The following GH2 variants were observed in gnomAD, a reference collection of about 807,000 sequenced individuals.
GH2 encodes growth hormone 2.
In GH2, 17 loss-of-function variants were observed where a neutral mutation model predicts 24.1. That is an observed-to-expected ratio of 0.71 (90% CI 0.48 to 1.06). The LOEUF (loss-of-function observed/expected upper bound fraction) is 1.06. Ranked by LOEUF, GH2 falls within the 50% of genes least tolerant of loss-of-function variation. The probability of loss-of-function intolerance (pLI) is 0.00; values close to 1 mark genes in which losing one functional copy is unlikely to be tolerated. For missense variants in GH2, 305 were observed against 273.1 expected, an observed-to-expected ratio of 1.12 and a Z score of -0.82; for synonymous variants, 126 against 118.7, an observed-to-expected ratio of 1.06 and a Z score of -0.40.
rs895562373 is a variant in GH2 at position 63,881,783 on chromosome 17, G to T, written c.10+9C>A. ...ACATTGTGCCCAAAGGGATTTTAGG[G>T]GCGCTTACCTGCAGCCATTGCCGCT... On this transcript the variant is annotated intron_variant, in intron 1 of 4. Transcript: ENST00000423893. 7 of 1,612,948 alleles carry T rather than the reference G, an allele frequency of 4.3e-6. No homozygotes were observed. Among genetic ancestry groups the T allele is most frequent in the Non-Finnish European group, 5.9e-6 (7 of 1,179,776 alleles).
chr17:63,880,788 A>G lies in GH2; in HGVS notation c.440T>C (p.Ile147Thr), dbSNP rs1905457764. ...YRHLKDLEEG[I>T]QTLMWRLEDG... ...CACCCTCACCCACATCAGCGTTTGG[A>G]TGCCTTCCTCTAGGTCCTTCAGGTG... The change falls in exon 4 of 5, where the codon ATC becomes ACC. Residue 147 changes from isoleucine to threonine, a missense_variant. Physicochemically the swap from Ile to Thr is moderately conservative, Grantham distance 89. Transcript: ENST00000423893. The G allele has an allele frequency of 1.2e-6, 2 of 1,613,912 alleles. No homozygotes were observed. Among genetic ancestry groups the G allele is most frequent in the African/African-American group, 2.7e-5 (2 of 74,910 alleles).
In GH2 at chr17:63,880,868, C is replaced by A; in HGVS notation, c.360G>T (p.Arg120Ser). The change falls in exon 4 of 5, where the codon AGG becomes AGT. Residue 120 changes from arginine (R) to serine (S), a missense_variant. Transcript: ENST00000423893. ...ACACCAGGCTGTTGGCGAAGACGCT[C>A]CTGAGGAGCTGCACGGGCTCCAGCC... ...QSWLEPVQLL[R>S]SVFANSLVYG... 1 of 1,614,064 alleles carries A rather than the reference C, an allele frequency of 6.2e-7. No individual in the cohort carries two copies. Among genetic ancestry groups the A allele is most frequent in the Non-Finnish European group, 8.5e-7 (1 of 1,179,964 alleles).
In GH2 at chr17:63,881,079, A is replaced by C. The variant is rs750460992; in HGVS notation, c.241T>G (p.Ser81Ala). 1 of 1,613,944 alleles carries C rather than the reference A, an allele frequency of 6.2e-7. No homozygotes were observed. Among genetic ancestry groups the C allele is most frequent in the Non-Finnish European group, 8.5e-7 (1 of 1,179,950 alleles). ...LQNPQTSLCF[S>A]ESIPTPSNRV... The stretch of plus-strand genomic sequence containing the variant: ...TTGGAAGGTGTTGGAATAGACTCTG[A>C]GAAGCAGAGGGAGGTCTGGGGGTTC... Residue 81 changes from serine to alanine, a missense_variant, in exon 3 of 5, where the codon TCA becomes GCA. Transcript: ENST00000423893.
At position 63,881,636 on chromosome 17, in the gene GH2, C is replaced by G. The variant is rs547380214; in HGVS notation, c.11-117G>C. 1.7e-5 allele frequency: 28 copies of G among 1,605,032 alleles called. No homozygotes were observed. In the South Asian group the frequency reaches 2.5e-4, roughly 15 times the overall value. On this transcript the variant is annotated intron_variant, in intron 1 of 4. Coordinates refer to ENST00000423893, the MANE Select transcript of GH2 (RefSeq NM_002059.5). ...TCTCTCTCTGCCTCCCTCCAGGGAC[C>G]AGGAACATTCAGAGATTGGCCAAAT...
At position 63,881,798 on chromosome 17, in the gene GH2, C is replaced by T. The variant is rs752024463; in HGVS notation, c.4G>A (p.Ala2Thr). Residue 2 changes from alanine to threonine, a missense_variant, in exon 1 of 5, where the codon GCT becomes ACT. Physicochemically the swap from Ala to Thr is moderately conservative, Grantham distance 58. Coordinates refer to ENST00000423893, the MANE Select transcript of GH2 (RefSeq NM_002059.5). ...GGATTTTAGGGGCGCTTACCTGCAG[C>T]CATTGCCGCTAGGTGAGCTGTCCAC... The part of the protein sequence containing the change: M[A>T]AGSRTSLLLA... 3 of 1,613,416 alleles carry T rather than the reference C, an allele frequency of 1.9e-6. No homozygotes were observed. Among genetic ancestry groups the T allele is most frequent in the South Asian group, 1.1e-5 (1 of 91,044 alleles).
intron 1 of GH2, 35 bp downstream of exon 1, chr17:63,881,757 C>A: frequency 1.2e-6 from 2 of 1,612,560 alleles, no homozygotes; most frequent in East Asian, 2.2e-5. Flanking sequence ...CCCCTCAGGA[C>A]ACATTGTGCC....
Position 63,880,995 on chromosome 17 carries a change from C to T in GH2, c.291+34G>A, listed in dbSNP as rs61764017. On this transcript the variant is annotated intron_variant, in intron 3 of 4. Transcript: ENST00000423893. The stretch of plus-strand genomic sequence containing the variant: ...CCGGGGGCTCTGACCACAGGTCTAC[C>T]CCATCCCCACCTGGGGAGAAGGCAT... 14,478 of 1,614,094 alleles carry T rather than the reference C, an allele frequency of 9.0e-3. 188 individuals are homozygous for T. The highest frequency in any genetic ancestry group is 0.01 in the Non-Finnish European group (12,081 of 1,179,966).
Position 63,881,060 on chromosome 17 carries a change from G to A in GH2, c.260C>T (p.Pro87Leu), listed in dbSNP as rs1905487215. 6.2e-7 allele frequency: 1 copy of A among 1,613,970 alleles called. No individual in the cohort carries two copies. The highest frequency in any genetic ancestry group is 8.5e-7 in the Non-Finnish European group (1 of 1,179,962). ...SLCFSESIPT[P>L]SNRVKTQQKS... ...CTGCTGCGTTTTCACCCTGTTGGAA[G>A]GTGTTGGAATAGACTCTGAGAAGCA... The change falls in exon 3 of 5, where the codon CCT becomes CTT. Residue 87 changes from proline to leucine, a missense_variant. Physicochemically the swap from Pro to Leu is moderately conservative, Grantham distance 98. Transcript: ENST00000423893.
In GH2 at chr17:63,880,917, A is replaced by G; in HGVS notation, c.311T>C (p.Ile104Thr). The G allele has an allele frequency of 6.2e-7, 1 of 1,614,044 alleles. No individual in the cohort carries two copies. Among genetic ancestry groups the G allele is most frequent in the South Asian group, 1.1e-5 (1 of 91,078 alleles). ...QQKSNLELLR[I>T]SLLLIQSWLE... ...CCATGACTGGATGAGCAGCAGGGAG[A>G]TGCGGAGCAGCTCTAGGTTCTGCAG... Residue 104 changes from isoleucine (I) to threonine (T), a missense_variant, in exon 4 of 5, where the codon ATC (isoleucine) becomes ACC (threonine). By Grantham distance (89) the Ile-to-Thr change is moderately conservative. Transcript: ENST00000423893.
In GH2 at chr17:63,880,423, C is replaced by A. The variant is rs538864759; in HGVS notation, c.552G>T (p.Lys184Asn). The change falls in exon 5 of 5, where the codon AAG (lysine) becomes AAT (asparagine). Residue 184 changes from lysine (K) to asparagine (N), a missense_variant. Lys to Asn is a moderately conservative substitution (Grantham distance 94). Coordinates refer to ENST00000423893, the MANE Select transcript of GH2 (RefSeq NM_002059.5). The stretch of plus-strand genomic sequence containing the variant: ...TGAAGCAGTAGAGCAGCCCGTAGTT[C>A]TTGAGCAGTGCGTCATCGTTGTGCG... ...TKSHNDDALL[K>N]NYGLLYCFRK... is the part of the protein sequence containing the mutation. 5.6e-6 allele frequency: 9 copies of A among 1,613,812 alleles called. No individual in the cohort carries two copies. In the Admixed American group the frequency reaches 1.5e-4, roughly 27 times the overall value.
rs759913651 is a variant in GH2, at chr17:63,880,939, G to T, written c.292-3C>A. The T allele has an allele frequency of 1.7e-5, 27 of 1,613,962 alleles. No individual in the cohort carries two copies. Among genetic ancestry groups the T allele is most frequent in the Non-Finnish European group, 2.2e-5 (26 of 1,179,964 alleles). ...GAGATGCGGAGCAGCTCTAGGTTCTGCAGGGGAAGGACCGGCAGTGGCTGT... is the reference window on the plus strand; with the variant it reads ...GAGATGCGGAGCAGCTCTAGGTTCTTCAGGGGAAGGACCGGCAGTGGCTGT... On this transcript the variant is annotated splice_region_variant and splice_polypyrimidine_tract_variant and intron_variant, in intron 3 of 4. Transcript: ENST00000423893.
rs763776483 is a variant in GH2 at position 63,880,636 on chromosome 17, C to T, written c.457-118G>A. ...TGTAGAGAAAGGCCTGGAGGATTCA[C>T]GAGGGGAAATGAAGAATACGGTGAG... On this transcript the variant is annotated intron_variant, in intron 4 of 4. Transcript: ENST00000423893. The T allele has an allele frequency of 5.0e-6, 8 of 1,613,968 alleles. No individual in the cohort carries two copies. In the Admixed American group the frequency reaches 5.0e-5, roughly 10 times the overall value.
rs775218197 is a variant in GH2 at position 63,881,470 on chromosome 17, C to G, written c.60G>C (p.Trp20Cys). The change falls in exon 2 of 5, where the codon TGG becomes TGC. Residue 20 changes from tryptophan to cysteine, a missense_variant. By Grantham distance (215) the Trp-to-Cys change is radical. Transcript: ENST00000423893. ...LLAFGLLCLSWLQEGSAFPTI... is the reference protein window; with the variant it reads ...LLAFGLLCLSCLQEGSAFPTI... ...TTGGGAAGGCACTGCCCTCTTGAAG[C>G]CAGGACAGGCAGAGCAGGCCAAAAG... The G allele has an allele frequency of 9.9e-6, 16 of 1,613,870 alleles. No homozygotes were observed. Among genetic ancestry groups the G allele is most frequent in the Non-Finnish European group, 2.5e-6 (3 of 1,179,948 alleles).
chr17:63,881,614 C>G, intron 1 of GH2, 95 bp from the exon 2 acceptor site: 3 of 1,604,152 alleles, frequency 1.9e-6, no homozygotes, highest in Non-Finnish European at 2.6e-6. Context: ...TTCTCTCTCT[C>G]TCTCTGCCTC....
intron 1 of GH2, 114 bp from the exon 2 acceptor site, chr17:63,881,633 G>A: frequency 1.2e-6 from 2 of 1,605,026 alleles, no homozygotes; most frequent in African/African-American, 1.3e-5. Flanking sequence ...TCCCTCCAGG[G>A]ACCAGGAACA....
Position 63,880,902 on chromosome 17 carries a change from A to G in GH2, c.326T>C (p.Ile109Thr). 6.2e-7 allele frequency: 1 copy of G among 1,614,082 alleles called. No individual in the cohort carries two copies. Among genetic ancestry groups the G allele is most frequent in the South Asian group, 1.1e-5 (1 of 91,084 alleles). The change falls in exon 4 of 5, where the codon ATC becomes ACC. Residue 109 changes from isoleucine to threonine, a missense_variant. Ile to Thr is a moderately conservative substitution (Grantham distance 89). Coordinates refer to ENST00000423893, the MANE Select transcript of GH2 (RefSeq NM_002059.5). ...CTGCACGGGCTCCAGCCATGACTGG[A>G]TGAGCAGCAGGGAGATGCGGAGCAG... is the stretch of plus-strand genomic sequence containing the variant. ...LELLRISLLL[I>T]QSWLEPVQLL...
Position 63,880,995 on chromosome 17 carries a change from C to A in GH2, c.291+34G>T, listed in dbSNP as rs61764017. 145 of 1,614,096 alleles carry A rather than the reference C, an allele frequency of 9.0e-5. 3 individuals are homozygous for A. The South Asian group carries it at 1.6e-3, about 18-fold the overall frequency. ...CCGGGGGCTCTGACCACAGGTCTAC[C>A]CCATCCCCACCTGGGGAGAAGGCAT... On this transcript the variant is annotated intron_variant, in intron 3 of 4. Transcript: ENST00000423893.
Position 63,880,534 on chromosome 17 carries a change from A to G in GH2, c.457-16T>C. The G allele has an allele frequency of 3.7e-6, 6 of 1,613,800 alleles. No homozygotes were observed. Among genetic ancestry groups the G allele is most frequent in the Non-Finnish European group, 5.1e-6 (6 of 1,179,768 alleles). On this transcript the variant is annotated splice_polypyrimidine_tract_variant and intron_variant, in intron 4 of 4. Transcript: ENST00000423893. ...CTTCCAGCCTCTGCAAAGTGAAGGAAGAGAAGGAGAGGCCAAGCGCTTGGG... is the reference window on the plus strand; with the variant it reads ...CTTCCAGCCTCTGCAAAGTGAAGGAGGAGAAGGAGAGGCCAAGCGCTTGGG...
rs1598375344 is a variant in GH2, at chr17:63,881,018, C to T, written c.291+11G>A. ...ACCCCATCCCCACCTGGGGAGAAGG[C>T]ATCCACTCACAGATTTCTGCTGCGT... On this transcript the variant is annotated intron_variant, in intron 3 of 4. Coordinates refer to ENST00000423893, the MANE Select transcript of GH2 (RefSeq NM_002059.5). 5 of 1,613,956 alleles carry T rather than the reference C, an allele frequency of 3.1e-6. No homozygotes were observed. In the East Asian group the frequency reaches 1.1e-4, roughly 36 times the overall value.
Sources: gnomAD v4.1 joint callset for allele counts on GRCh38, gnomAD v4.1.1 for gene constraint, MANE v1.5 for transcripts, NCBI Gene and HGNC (gene_info 2026-07-23, HGNC 2026-07-21) for gene names.